ACOT4: variants seen among roughly 807,000 people sequenced by gnomAD.
ACOT4 encodes peroxisomal succinyl-coenzyme A thioesterase.
Under a neutral mutation model 17.1 loss-of-function variants are expected in ACOT4, and 18 were observed. The observed-to-expected ratio is 1.05, with a 90% CI of 0.73 to 1.56. ACOT4 has a LOEUF of 1.56. Ranked by LOEUF, ACOT4 falls within the 40% of genes most tolerant of loss-of-function variation. The probability of loss-of-function intolerance (pLI) is 0.00; values close to 1 mark genes in which losing one functional copy is unlikely to be tolerated. For synonymous variants in ACOT4, 234 were observed against 236.6 expected (o/e 0.99, Z 0.10); for missense variants, 574 against 557.2 (o/e 1.03, Z -0.30).
chr14:73,592,278 G>A lies in ACOT4; in HGVS notation c.319G>A (p.Glu107Lys), dbSNP rs898624506. The part of the protein sequence containing the change: ...DVQIPFVVEL[E>K]VLDGHDPEPG... ...ACAGATTCCTTTTGTCGTGGAGTTG[G>A]AGGTGCTGGACGGCCACGACCCCGA... Residue 107 changes from glutamate (E) to lysine (K), a missense_variant, in exon 1 of 3, where the codon GAG becomes AAG. By Grantham distance (56) the Glu-to-Lys change is moderately conservative. Coordinates refer to ENST00000326303, the MANE Select transcript of ACOT4 (RefSeq NM_152331.4). 1.2e-6 allele frequency: 2 copies of A among 1,612,654 alleles called. No individual in the cohort carries two copies. Among genetic ancestry groups the A allele is most frequent in the African/African-American group, 2.7e-5 (2 of 74,866 alleles).
chr14:73,595,160 G>T lies in ACOT4; in HGVS notation c.772G>T (p.Gly258Trp), dbSNP rs1439456807. The T allele has an allele frequency of 1.2e-6, 2 of 1,614,214 alleles. No individual in the cohort carries two copies. Among genetic ancestry groups the T allele is most frequent in the Admixed American group, 1.7e-5 (1 of 60,022 alleles). Residue 258 changes from glycine to tryptophan, a missense_variant, in exon 3 of 3, where the codon GGG (glycine) becomes TGG (tryptophan). Gly to Trp is a radical substitution (Grantham distance 184). Transcript: ENST00000326303. Reference protein sequence around the residue: ...VSATVSINGSGISGNTAINYK... With the variant: ...VSATVSINGSWISGNTAINYK... The stretch of plus-strand genomic sequence containing the variant: ...AGCCACAGTTTCCATCAATGGATCT[G>T]GGATCAGTGGGAACACAGCCATCAA...
Position 73,595,167 on chromosome 14 carries a change from G to A in ACOT4, c.779G>A (p.Ser260Asn). The A allele has an allele frequency of 6.2e-7, 1 of 1,614,232 alleles. No individual in the cohort carries two copies. ...ATVSINGSGI[S>N]GNTAINYKHS... ...GTTTCCATCAATGGATCTGGGATCA[G>A]TGGGAACACAGCCATCAACTATAAG... The change falls in exon 3 of 3, where the codon AGT becomes AAT. Residue 260 changes from serine to asparagine, a missense_variant. Coordinates refer to ENST00000326303, the MANE Select transcript of ACOT4 (RefSeq NM_152331.4).
chr14:73,592,208 C>T lies in ACOT4; in HGVS notation c.249C>T (p.Ala83=), dbSNP rs374613280. ...TCGAGCCCATGGGGCTGCTCTGGGCCCTGGAACCCGAGAAGCCTTTTTGGC... is the reference window on the plus strand; with the variant it reads ...TCGAGCCCATGGGGCTGCTCTGGGCTCTGGAACCCGAGAAGCCTTTTTGGC... ...AGLEPMGLLW[A]LEPEKPFWRF... The change falls in exon 1 of 3, where the codon GCC becomes GCT. Residue 83 remains alanine, a synonymous_variant. Transcript: ENST00000326303. 1 of 1,612,490 alleles carries T rather than the reference C, an allele frequency of 6.2e-7. No individual in the cohort carries two copies. Among genetic ancestry groups the T allele is most frequent in the African/African-American group, 1.3e-5 (1 of 74,878 alleles).
chr14:73,594,979 A>G lies in ACOT4; in HGVS notation c.661-70A>G, dbSNP rs550237027. ...CTCCGCCTCGCAGAGTGTTGGGATTACAGGCATGAGCCACCGCACCCAATC... is the reference window on the plus strand; with the variant it reads ...CTCCGCCTCGCAGAGTGTTGGGATTGCAGGCATGAGCCACCGCACCCAATC... On this transcript the variant is annotated intron_variant, in intron 2 of 2. Transcript: ENST00000326303. 5 of 1,565,340 alleles carry G rather than the reference A, an allele frequency of 3.2e-6. No homozygotes were observed. The African/African-American group carries it at 6.8e-5, about 21-fold the overall frequency.
chr14:73,593,570 T>G, intron 1 of ACOT4, 132 bp from the exon 2 acceptor site: 3 of 751,080 alleles, frequency 4.0e-6, no homozygotes, highest in Non-Finnish European at 6.4e-6. Flanking sequence ...CTTGAACTCC[T>G]GGCCTCAAGC....
intron 1 of ACOT4, among the ~76,000 whole-genome samples, chr14:73,593,037 T>A (rs1890180700): frequency 6.6e-6 from 1 of 152,176 alleles, no homozygotes; most frequent in Admixed American, 6.5e-5. Flanking sequence ...CCCTACAGAT[T>A]TCTACAGGCA....
In ACOT4 at chr14:73,595,310, A is replaced by G. The variant is rs1177220916; in HGVS notation, c.922A>G (p.Met308Val). 1 of 1,614,228 alleles carries G rather than the reference A, an allele frequency of 6.2e-7. No individual in the cohort carries two copies. The highest frequency in any genetic ancestry group is 1.7e-5 in the Admixed American group (1 of 60,022). The change falls in exon 3 of 3, where the codon ATG becomes GTG. Residue 308 changes from methionine to valine, a missense_variant. Physicochemically the swap from Met to Val is conservative, Grantham distance 21. Transcript: ENST00000326303. ...ALVGGYKNPS[M>V]IPIEKAQGPI... Reference sequence around the variant, plus strand: ...CGTAGGAGGGTACAAGAACCCCAGCATGATTCCAATAGAGAAGGCCCAGGG... The same window carrying G: ...CGTAGGAGGGTACAAGAACCCCAGCGTGATTCCAATAGAGAAGGCCCAGGG...
At position 73,593,745 on chromosome 14, in the gene ACOT4, A is replaced by AG; in HGVS notation, c.506dup (p.Leu170ProfsTer23). On this transcript the variant is annotated frameshift_variant, in exon 2 of 3. Coordinates refer to ENST00000326303, the MANE Select transcript of ACOT4 (RefSeq NM_152331.4). LOFTEE classifies it high-confidence loss of function. ...GGATCATTGACATCTTTGGTATTGG[A>AG]GGGGGCCTCTTGGAATATCGAGCCA... is the stretch of plus-strand genomic sequence containing the variant. 1 of 1,613,662 alleles carries AG rather than the reference A, an allele frequency of 6.2e-7. No homozygotes were observed. The highest frequency in any genetic ancestry group is 8.5e-7 in the Non-Finnish European group (1 of 1,179,744).
Position 73,595,060 on chromosome 14 carries a change from A to T in ACOT4, c.672A>T (p.Pro224=). 6.2e-7 allele frequency: 1 copy of T among 1,613,660 alleles called. No individual in the cohort carries two copies. Among genetic ancestry groups the T allele is most frequent in the South Asian group, 1.1e-5 (1 of 91,060 alleles). The change falls in exon 3 of 3, where the codon CCA becomes CCT. Residue 224 remains proline (P), a synonymous_variant. Coordinates refer to ENST00000326303, the MANE Select transcript of ACOT4 (RefSeq NM_152331.4). ...TTCTTTTCTTCCAGGTAAAAGGCCC[A>T]GGCATTGGGCTTTTGGGCATTTCTC... ...YMLQHPQVKG[P]GIGLLGISLG...
At position 73,595,714 on chromosome 14, in the gene ACOT4, T is replaced by C. The variant is rs1349204954; in HGVS notation, c.*60T>C. The C allele has an allele frequency of 2.0e-6, 3 of 1,484,016 alleles. No individual in the cohort carries two copies. The highest frequency in any genetic ancestry group is 2.8e-5 in the African/African-American group (2 of 71,288). The allele number at this position is 1,484,016 out of a possible 1,614,324, so 91.9% of individuals were successfully genotyped here. A position where few individuals can be genotyped will look rare whatever the true frequency, so the allele number is the denominator to read the frequency against. On this transcript the variant is annotated 3_prime_UTR_variant, in exon 3 of 3. Transcript: ENST00000326303. ...ATCAGATTCTAGTGTTCAGTAACCC[T>C]ATGTGAATCAGATGTCTCCTGGATA...
intron 1 of ACOT4, 33 bp from the exon 2 acceptor site, chr14:73,593,669 A>G (rs1366070460): frequency 6.4e-7 from 1 of 1,559,278 alleles, no homozygotes; most frequent in Non-Finnish European, 8.7e-7. Flanking sequence ...TAAATTGTAT[A>G]ATGGCTTACA....
chr14:73,595,676 TGA>T lies in ACOT4; in HGVS notation c.*27_*28del, dbSNP rs1182430288. The T allele has an allele frequency of 6.6e-7, 1 of 1,509,924 alleles. No individual in the cohort carries two copies. The highest frequency in any genetic ancestry group is 8.8e-7 in the Non-Finnish European group (1 of 1,130,114). The allele number at this position is 1,509,924 out of a possible 1,614,324, so 93.5% of individuals were successfully genotyped here. On this transcript the variant is annotated 3_prime_UTR_variant, in exon 3 of 3. Transcript: ENST00000326303. Reference sequence around the variant, plus strand: ...GTAATGCATTTGTCTGTTGTTGACATGAGAGATTCAAGATCAGATTCTAGTGT... The same window carrying T: ...GTAATGCATTTGTCTGTTGTTGACATGAGATTCAAGATCAGATTCTAGTGT...
Position 73,595,267 on chromosome 14 carries a change from G to A in ACOT4, c.879G>A (p.Val293=), listed in dbSNP as rs1282224166. 6.2e-7 allele frequency: 1 copy of A among 1,614,152 alleles called. No homozygotes were observed. Among genetic ancestry groups the A allele is most frequent in the Admixed American group, 1.7e-5 (1 of 60,026 alleles). The change falls in exon 3 of 3, where the codon GTG becomes GTA. Residue 293 remains valine, a synonymous_variant. Coordinates refer to ENST00000326303, the MANE Select transcript of ACOT4 (RefSeq NM_152331.4). The stretch of plus-strand genomic sequence containing the variant: ...CTTTCTCAGGCCTCGTGGACATTGT[G>A]GATATAAGGAATGCTCTCGTAGGAG... ...KVAFSGLVDI[V]DIRNALVGGY...
rs1381289792 is a variant in ACOT4, at chr14:73,592,015, T to A, written c.56T>A (p.Val19Glu). 27 of 1,435,340 alleles carry A rather than the reference T, an allele frequency of 1.9e-5. No homozygotes were observed. The Admixed American group carries it at 2.0e-4, about 10-fold the overall frequency. The allele number at this position is 1,435,340 out of a possible 1,614,324, so 88.9% of individuals were successfully genotyped here. A position where few individuals can be genotyped will look rare whatever the true frequency, so the allele number is the denominator to read the frequency against. Residue 19 changes from valine (V) to glutamate (E), a missense_variant, in exon 1 of 3, where the codon GTG becomes GAG. Transcript: ENST00000326303. Reference sequence around the variant, plus strand: ...GGCCGCTGCTGCTGGAACGAGCCGGTGCGCATTGCCGTGCGCGGCCTGGCC... The same window carrying A: ...GGCCGCTGCTGCTGGAACGAGCCGGAGCGCATTGCCGTGCGCGGCCTGGCC... ...PPGRCCWNEPVRIAVRGLAPE... is the reference protein window; with the variant it reads ...PPGRCCWNEPERIAVRGLAPE...
At position 73,592,319 on chromosome 14, in the gene ACOT4, G is replaced by A; in HGVS notation, c.360G>A (p.Leu120=). The stretch of plus-strand genomic sequence containing the variant: ...ACGACCCCGAGCCTGGACGGCTGCT[G>A]TGCCAGGCGCAGCACGAGCGCCACT... ...DGHDPEPGRL[L]CQAQHERHFL... is the part of the protein sequence containing the mutation. Residue 120 remains leucine, a synonymous_variant, in exon 1 of 3, where the codon CTG becomes CTA. Coordinates refer to ENST00000326303, the MANE Select transcript of ACOT4 (RefSeq NM_152331.4). 1 of 1,609,856 alleles carries A rather than the reference G, an allele frequency of 6.2e-7. No homozygotes were observed. Among genetic ancestry groups the A allele is most frequent in the East Asian group, 2.2e-5 (1 of 44,680 alleles).
At position 73,591,909 on chromosome 14, in the gene ACOT4, C is replaced by G; in HGVS notation, c.-51C>G. On this transcript the variant is annotated 5_prime_UTR_variant, in exon 1 of 3. In the 5' UTR this introduces an upstream ATG that the reference lacks. Coordinates refer to ENST00000326303, the MANE Select transcript of ACOT4 (RefSeq NM_152331.4). ...GGACATTCGGCGCGCTTGCCACGAT[C>G]TTGGACGGGTCTCGGGCCTCGACCT... is the stretch of plus-strand genomic sequence containing the variant. 7.4e-7 allele frequency: 1 copy of G among 1,343,672 alleles called. No individual in the cohort carries two copies. Among genetic ancestry groups the G allele is most frequent in the Non-Finnish European group, 9.6e-7 (1 of 1,045,296 alleles). The allele number at this position is 1,343,672 out of a possible 1,614,324, so 83.2% of individuals were successfully genotyped here.
rs775477920 is a variant in ACOT4 at position 73,592,184 on chromosome 14, C to T, written c.225C>T (p.Leu75=). 5.0e-6 allele frequency: 8 copies of T among 1,607,858 alleles called. No individual in the cohort carries two copies. Among genetic ancestry groups the T allele is most frequent in the Non-Finnish European group, 6.8e-6 (8 of 1,177,640 alleles). Reference sequence around the variant, plus strand: ...CGCTGGGCGGCAGCTTCGCGGGACTCGAGCCCATGGGGCTGCTCTGGGCCC... The same window carrying T: ...CGCTGGGCGGCAGCTTCGCGGGACTTGAGCCCATGGGGCTGCTCTGGGCCC... ...APALGGSFAG[L]EPMGLLWALE... The change falls in exon 1 of 3, where the codon CTC becomes CTT. Residue 75 remains leucine (L), a synonymous_variant. Transcript: ENST00000326303.
In ACOT4 at chr14:73,591,942, C is replaced by A. The variant is rs1890153659; in HGVS notation, c.-18C>A. 1 of 1,361,480 alleles carries A rather than the reference C, an allele frequency of 7.3e-7. No homozygotes were observed. The highest frequency in any genetic ancestry group is 9.5e-7 in the Non-Finnish European group (1 of 1,055,994). The allele number at this position is 1,361,480 out of a possible 1,614,324, so 84.3% of individuals were successfully genotyped here. On this transcript the variant is annotated 5_prime_UTR_variant, in exon 1 of 3. Transcript: ENST00000326303. ...GGTCTCGGGCCTCGACCTTTGAATT[C>A]CCCGCTCCGGCTCCAAGATGTCAGC... is the stretch of plus-strand genomic sequence containing the variant.
chr14:73,595,352 G>A lies in ACOT4; in HGVS notation c.964G>A (p.Val322Ile). 1.2e-6 allele frequency: 2 copies of A among 1,614,216 alleles called. No individual in the cohort carries two copies. The highest frequency in any genetic ancestry group is 1.3e-5 in the African/African-American group (1 of 75,048). The change falls in exon 3 of 3, where the codon GTT (valine) becomes ATT (isoleucine). Residue 322 changes from valine (V) to isoleucine (I), a missense_variant. Val to Ile is a conservative substitution (Grantham distance 29). Coordinates refer to ENST00000326303, the MANE Select transcript of ACOT4 (RefSeq NM_152331.4). ...EKAQGPILLI[V>I]GQDDHNWRSE... ...GGCCCAGGGGCCCATCCTGCTCATT[G>A]TTGGTCAGGATGACCATAACTGGAG...
Sources: gnomAD v4.1 joint callset for allele counts (sites outside exome capture counted in the v4.1 genomes callset) on GRCh38, gnomAD v4.1.1 for gene constraint, MANE v1.5 for transcripts, NCBI Gene and HGNC (gene_info 2026-07-23, HGNC 2026-07-21) for gene names.